Variants in PDLIM7 observed in about 807,000 individuals in gnomAD.
The protein encoded by PDLIM7 is PDZ and LIM domain protein 7.
In PDLIM7, 37 loss-of-function variants were observed where a neutral mutation model predicts 53.9. The observed-to-expected ratio is 0.69, with a 90% CI of 0.53 to 0.90. The LOEUF (loss-of-function observed/expected upper bound fraction) is 0.90, where lower values mean the gene tolerates loss of function less well. Ranked by LOEUF, PDLIM7 falls within the 40% of genes least tolerant of loss-of-function variation. The pLI is 0.00. For missense variants in PDLIM7, 617 were observed against 638.5 expected (o/e 0.97, Z 0.36); for synonymous variants, 300 against 261.3 (o/e 1.15, Z -1.43).
chr5:177,490,086 T>G, intron 7 of PDLIM7: 2 of 1,526,438 alleles, frequency 1.3e-6, no homozygotes, highest in Non-Finnish European at 1.8e-6. Context: ...GTTCCCCTCA[T>G]GCCAGGAAGC....
At position 177,483,770 on chromosome 5, in the gene PDLIM7, A is replaced by G. The variant is rs757272272; in HGVS notation, c.1288-40T>C. On this transcript the variant is annotated intron_variant, in intron 12 of 12. Coordinates refer to ENST00000355841, the MANE Select transcript of PDLIM7 (RefSeq NM_005451.5). ...GGCCCAGTCACATGGGGTTGGGGGC[A>G]GCAGGAGAGGCCCCTTCCCAACTTC... 1.9e-6 allele frequency: 3 copies of G among 1,576,486 alleles called. No individual in the cohort carries two copies. The South Asian group carries it at 3.3e-5, about 17-fold the overall frequency.
chr5:177,490,357 G>C, intron 7 of PDLIM7: 1 of 1,458,150 alleles, frequency 6.9e-7, no homozygotes, highest in South Asian at 1.4e-5. Flanking sequence ...GGCGGCCAGG[G>C]CCAGGCCAGC....
At chr5:177,483,820 A>T (rs1758302483) in intron 12 of PDLIM7, 47 bp downstream of exon 12, 1 of 1,595,290 alleles carries the variant, frequency 6.3e-7, no homozygotes, top group Non-Finnish European at 8.6e-7. Flanking sequence ...GGGAATGAAC[A>T]GAGGGCCGGT....
Position 177,492,564 on chromosome 5 carries a change from G to C in PDLIM7, c.210C>G (p.Ile70Met). ...SLTHIEAQNKIRACGERLSLG... is the reference protein window; with the variant it reads ...SLTHIEAQNKMRACGERLSLG... ...GGCTGAGGCGCTCCCCGCAGGCCCG[G>C]ATCTTGTTCTGAGCTTCGATGTGTG... The change falls in exon 3 of 13, where the codon ATC becomes ATG. Residue 70 changes from isoleucine (I) to methionine (M), a missense_variant. Ile to Met is a conservative substitution (Grantham distance 10). Coordinates refer to ENST00000355841, the MANE Select transcript of PDLIM7 (RefSeq NM_005451.5). 6.2e-7 allele frequency: 1 copy of C among 1,613,730 alleles called. No individual in the cohort carries two copies. Among genetic ancestry groups the C allele is most frequent in the Non-Finnish European group, 8.5e-7 (1 of 1,179,790 alleles).
chr5:177,487,462 C>A (rs1302189702), intron 10 of PDLIM7, among the ~76,000 whole-genome samples: 1 of 152,226 alleles, frequency 6.6e-6, no homozygotes, highest in African/African-American at 2.4e-5. Context: ...GGAAGGTGAG[C>A]ATTTTGGCGG....
intron 8 of PDLIM7, 42 bp downstream of exon 8, chr5:177,489,729 G>A (rs1758649046): frequency 6.7e-7 from 1 of 1,494,278 alleles, no homozygotes; most frequent in South Asian, 1.3e-5. Context: ...TGCCCCTGGA[G>A]GCTGCCCACC....
At chr5:177,486,333 C>T (rs561172131) in intron 10 of PDLIM7, among the ~76,000 whole-genome samples, 1 of 152,334 alleles carries the variant, frequency 6.6e-6, no homozygotes, top group Non-Finnish European at 1.5e-5. Context: ...CATTTCTGCC[C>T]TCCACAACAC....
intron 9 of PDLIM7, 117 bp downstream of exon 9, chr5:177,489,276 G>C (rs1758616529): frequency 1.2e-6 from 1 of 816,038 alleles, no homozygotes; most frequent in African/African-American, 1.7e-5. Flanking sequence ...TCCTACTCCA[G>C]CTGAGAACTG....
chr5:177,495,424 T>C (rs335429), intron 2 of PDLIM7, among the ~76,000 whole-genome samples: 81,524 of 152,044 alleles, frequency 0.54, 22,317 homozygotes, highest in East Asian at 0.63. Flanking sequence ...GTGGGTCTCT[T>C]GGGGCAGGCG....
chr5:177,496,302 A>C, intron 2 of PDLIM7, 115 bp downstream of exon 2: 2 of 694,878 alleles, frequency 2.9e-6, no homozygotes, highest in Non-Finnish European at 4.5e-6. Flanking sequence ...GGACCTAGAC[A>C]TCTCCTGGCC....
chr5:177,489,415 GAC>G lies in PDLIM7; in HGVS notation c.845_846del (p.Cys282SerfsTer27). On this transcript the variant is annotated frameshift_variant, in exon 9 of 13. Transcript: ENST00000355841. LOFTEE classifies it high-confidence loss of function. The part of the protein sequence containing the change: ...GGSNNGKTPV[C>X]HQCHKVIRGR... ...CACCGGATGACCTTGTGGCACTGGT[GAC>G]ACACGGGAGTCTTGCCGTTGTTGCT... The G allele has an allele frequency of 6.3e-7, 1 of 1,594,008 alleles. No homozygotes were observed.
At chr5:177,490,786 T>C (rs1758727282) in intron 7 of PDLIM7, 84 bp downstream of exon 7, 15 of 1,448,280 alleles carry the variant, frequency 1.0e-5, no homozygotes, top group Non-Finnish European at 1.5e-5. Flanking sequence ...GAGCCCCAGC[T>C]GGGAGCCTCA....
chr5:177,486,735 T>A (rs1210617189), intron 10 of PDLIM7, among the ~76,000 whole-genome samples: 4 of 151,490 alleles, frequency 2.6e-5, no homozygotes, highest in Admixed American at 6.6e-5. Context: ...GCCTCCCAGG[T>A]TCACGCCATT....
intron 5 of PDLIM7, 88 bp downstream of exon 5, chr5:177,491,719 G>T (rs918573717): frequency 5.3e-6 from 4 of 760,370 alleles, no homozygotes; most frequent in Admixed American, 7.6e-5. Context: ...GGGCTGGGGC[G>T]CAGCACAGAC....
At position 177,488,134 on chromosome 5, in the gene PDLIM7, G is replaced by C. The variant is rs376940116; in HGVS notation, c.984C>G (p.Phe328Leu). The C allele has an allele frequency of 6.2e-7, 1 of 1,613,236 alleles. No individual in the cohort carries two copies. The highest frequency in any genetic ancestry group is 8.5e-7 in the Non-Finnish European group (1 of 1,179,958). ...GGFFEEKGAI[F>L]CPPCYDVRYA... ...AGCGCACGTCATAGCATGGTGGGCA[G>C]AAGATGGCGCCCTTCTCCTCAAAGA... is the stretch of plus-strand genomic sequence containing the variant. The change falls in exon 10 of 13, where the codon TTC (phenylalanine) becomes TTG (leucine). Residue 328 changes from phenylalanine (F) to leucine (L), a missense_variant. Phe to Leu is a conservative substitution (Grantham distance 22, BLOSUM62 0). Coordinates refer to ENST00000355841, the MANE Select transcript of PDLIM7 (RefSeq NM_005451.5).
chr5:177,489,486 G>A lies in PDLIM7; in HGVS notation c.776C>T (p.Thr259Ile), dbSNP rs1051978117. 3 of 1,607,462 alleles carry A rather than the reference G, an allele frequency of 1.9e-6. No homozygotes were observed. The highest frequency in any genetic ancestry group is 2.7e-5 in the African/African-American group (2 of 74,910). Reference protein sequence around the residue: ...PATPTPLQSRTSIVQAAAGGV... With the variant: ...PATPTPLQSRISIVQAAAGGV... The stretch of plus-strand genomic sequence containing the variant: ...TCCGGCAGCTGCCTGCACAATGGAG[G>A]TGCGGCTCTGCAGCGGCGTGGGCGT... Residue 259 changes from threonine (T) to isoleucine (I), a missense_variant, in exon 9 of 13, where the codon ACC (threonine) becomes ATC (isoleucine). By Grantham distance (89) the Thr-to-Ile change is moderately conservative. Transcript: ENST00000355841.
chr5:177,495,728 G>C (rs1759038862), intron 2 of PDLIM7, among the ~76,000 whole-genome samples: 1 of 152,090 alleles, frequency 6.6e-6, no homozygotes, highest in African/African-American at 2.4e-5. Flanking sequence ...GGAGGAGCCA[G>C]CCTCCAGCTC....
chr5:177,497,093 C>T (rs1247960872), intron 1 of PDLIM7, among the ~76,000 whole-genome samples: 1 of 150,814 alleles, frequency 6.6e-6, no homozygotes, highest in African/African-American at 2.4e-5. Flanking sequence ...CCAGTCGAGG[C>T]TGCTGGGAGC....
chr5:177,483,434 G>C lies in PDLIM7; in HGVS notation c.*210C>G, dbSNP rs1758285241. ...GTTTATTGTGGCACTGGAGGTGAAA[G>C]GGGGCTGGTGTGGCCAGCACCGGTG... is the stretch of plus-strand genomic sequence containing the variant. On this transcript the variant is annotated 3_prime_UTR_variant, in exon 13 of 13. Coordinates refer to ENST00000355841, the MANE Select transcript of PDLIM7 (RefSeq NM_005451.5). 1 of 532,140 alleles carries C rather than the reference G, an allele frequency of 1.9e-6. No homozygotes were observed. Among genetic ancestry groups the C allele is most frequent in the African/African-American group, 1.9e-5 (1 of 52,752 alleles). 33.0% of individuals were successfully genotyped at this position (532,140 alleles called of 1,614,324 possible).
Sources: gnomAD v4.1 joint callset for allele counts (sites outside exome capture counted in the v4.1 genomes callset) on GRCh38, gnomAD v4.1.1 for gene constraint, MANE v1.5 for transcripts, NCBI Gene and HGNC (gene_info 2026-07-23, HGNC 2026-07-21) for gene names.